PPP2R1A: variants seen among roughly 807,000 people sequenced by gnomAD.
PPP2R1A encodes the protein serine/threonine-protein phosphatase 2A 65 kDa regulatory subunit A alpha isoform.
PPP2R1A carries 15 observed loss-of-function variants against 67.1 expected under a neutral mutation model. The ratio of observed to expected loss-of-function variants is 0.22; its 90% CI spans 0.15 to 0.34. The LOEUF (loss-of-function observed/expected upper bound fraction) is 0.34. Among genes scored for constraint, PPP2R1A ranks in the 10% least tolerant of loss-of-function variants. PPP2R1A has a pLI of 1.00. For synonymous variants in PPP2R1A, 337 were observed against 325.0 expected, an observed-to-expected ratio of 1.04 and a Z score of -0.40; for missense variants, 369 against 775.0, an observed-to-expected ratio of 0.48 and a Z score of 6.22.
Position 52,216,434 on chromosome 19 carries a change from A to C in PPP2R1A, c.994-95A>C. ...CTGCTCTATGAATGAGAGGGGCAGA[A>C]GCAGGTTATTGTCTCTTAGGAGTTG... On this transcript the variant is annotated intron_variant, in intron 8 of 14. Coordinates refer to ENST00000322088, the MANE Select transcript of PPP2R1A (RefSeq NM_014225.6). This position sits in a 1 kb window ranked among gnomAD's most constrained non-coding sequence, Gnocchi z 4.3. 1 of 1,478,230 alleles carries C rather than the reference A, an allele frequency of 6.8e-7. No homozygotes were observed. Among genetic ancestry groups the C allele is most frequent in the Non-Finnish European group, 9.3e-7 (1 of 1,076,084 alleles). The allele number at this position is 1,478,230 out of a possible 1,614,324, so 91.6% of individuals were successfully genotyped here. A position where few individuals can be genotyped will look rare whatever the true frequency, so the allele number is the denominator to read the frequency against.
rs1240476892 is a variant in PPP2R1A, at chr19:52,212,751, G to C, written c.569G>C (p.Gly190Ala). ...CGGCGGGCCGCAGCCTCCAAGCTGGGGGAGTTTGCCAAGGTGCTGGAGCTG... is the reference window on the plus strand; with the variant it reads ...CGGCGGGCCGCAGCCTCCAAGCTGGCGGAGTTTGCCAAGGTGCTGGAGCTG... ...MVRRAAASKL[G>A]EFAKVLELDN... is the part of the protein sequence containing the mutation. Residue 190 changes from glycine to alanine, a missense_variant, in exon 5 of 15, where the codon GGG becomes GCG. This residue lies in a region of PPP2R1A where 93 missense variants were observed against 266.5 expected (regional missense o/e 0.35). Transcript: ENST00000322088. This position sits in a 1 kb window ranked among gnomAD's most constrained non-coding sequence, Gnocchi z 4.1. 6.2e-7 allele frequency: 1 copy of C among 1,613,942 alleles called. No homozygotes were observed. The highest frequency in any genetic ancestry group is 1.3e-5 in the African/African-American group (1 of 74,944).
At chr19:52,220,307 A>C in intron 11 of PPP2R1A, 58 bp downstream of exon 11, 1 of 1,577,726 alleles carries the variant, frequency 6.3e-7, no homozygotes, top group Non-Finnish European at 8.7e-7. Context: ...GGCAGGATGG[A>C]TTGGCTGGGG....
In PPP2R1A at chr19:52,222,189, C is replaced by T. The variant is rs767299944; in HGVS notation, c.1609C>T (p.Arg537Cys). 5.0e-6 allele frequency: 8 copies of T among 1,614,018 alleles called. No individual in the cohort carries two copies. The Admixed American group carries it at 1.0e-4, about 20-fold the overall frequency. Residue 537 changes from arginine (R) to cysteine (C), a missense_variant, in exon 13 of 15, where the codon CGC becomes TGC. Arg to Cys is a radical substitution (Grantham distance 180). Coordinates refer to ENST00000322088, the MANE Select transcript of PPP2R1A (RefSeq NM_014225.6). ...RMAGDPVANV[R>C]FNVAKSLQKI... ...GGCTGGGGACCCGGTTGCCAATGTC[C>T]GCTTCAATGTGGCCAAGTCTCTGCA...
intron 9 of PPP2R1A, among the ~76,000 whole-genome samples, chr19:52,218,006 C>CCCAGA (rs1978686670): frequency 6.6e-6 from 1 of 152,122 alleles, no homozygotes; most frequent in East Asian, 1.9e-4. Context: ...CTGTGGGAGT[C>CCCAGA]TGGAAGGCTG....
chr19:52,220,869 C>T, intron 11 of PPP2R1A, 110 bp from the exon 12 acceptor site: 1 of 1,313,278 alleles, frequency 7.6e-7, no homozygotes, highest in Non-Finnish European at 1.1e-6. Context: ...TCACATGCAG[C>T]CTGGCACCTA....
rs551777534 is a variant in PPP2R1A at position 52,228,018 on chromosome 19, A to G, written c.*2037A>G. On this transcript the variant is annotated 3_prime_UTR_variant, in exon 15 of 15. Coordinates refer to ENST00000322088, the MANE Select transcript of PPP2R1A (RefSeq NM_014225.6). The stretch of plus-strand genomic sequence containing the variant: ...AGGTTCATCTGCACACTGAAGTTAG[A>G]GAAGTCCTGCCTTAAATACTAACCC... 1 of 152,324 alleles carries G rather than the reference A, an allele frequency of 6.6e-6. No homozygotes were observed. Among genetic ancestry groups the G allele is most frequent in the South Asian group, 2.1e-4 (1 of 4,824 alleles). The allele number at this position is 152,324 out of a possible 1,614,324, so 9.4% of individuals were successfully genotyped here. A position where few individuals can be genotyped will look rare whatever the true frequency, so the allele number is the denominator to read the frequency against.
Position 52,216,089 on chromosome 19 carries a change from G to A in PPP2R1A, c.993+15G>A, listed in dbSNP as rs776493241. The A allele has an allele frequency of 6.2e-7, 1 of 1,608,076 alleles. No individual in the cohort carries two copies. The highest frequency in any genetic ancestry group is 8.5e-7 in the Non-Finnish European group (1 of 1,174,478). ...CCTGCATCAAGGTAACAGAGAGTTTGATGGGAGGAACCAAGTGGATCCGAG... is the reference window on the plus strand; with the variant it reads ...CCTGCATCAAGGTAACAGAGAGTTTAATGGGAGGAACCAAGTGGATCCGAG... On this transcript the variant is annotated intron_variant, in intron 8 of 14. Coordinates refer to ENST00000322088, the MANE Select transcript of PPP2R1A (RefSeq NM_014225.6). The surrounding 1 kb of genome is among the most constrained non-coding windows in gnomAD (Gnocchi z 4.3).
chr19:52,205,708 C>T (rs1340309190), intron 2 of PPP2R1A, among the ~76,000 whole-genome samples: 4 of 152,174 alleles, frequency 2.6e-5, no homozygotes, highest in African/African-American at 9.7e-5. Flanking sequence ...AGCTGGGACT[C>T]AGAGAGGTGG....
At chr19:52,223,341 G>A (rs989752906) in intron 13 of PPP2R1A, among the ~76,000 whole-genome samples, 6 of 152,172 alleles carry the variant, frequency 3.9e-5, no homozygotes, top group East Asian at 1.9e-4. Context: ...TTGAGTTAGC[G>A]TAGGCACAGA....
In PPP2R1A at chr19:52,211,006, C is replaced by T. The variant is rs2089663283; in HGVS notation, c.271-254C>T. 6.6e-6 allele frequency among the ~76,000 whole-genome samples: 1 copy of T among 152,222 alleles called. No homozygotes were observed. Among genetic ancestry groups the T allele is most frequent in the Non-Finnish European group, 1.5e-5 (1 of 68,050 alleles). ...AGGTTTATGGACCCCAGTGAAACTC[C>T]TTCAAGGACCCCTAAATAAGAACCT... On this transcript the variant is annotated intron_variant, in intron 3 of 14. Transcript: ENST00000322088. This position sits in a 1 kb window ranked among gnomAD's most constrained non-coding sequence, Gnocchi z 5.3.
intron 1 of PPP2R1A, among the ~76,000 whole-genome samples, chr19:52,194,088 C>CAAAAAAAAAAAAAAAAAAAAAAAAAA (rs915576804): frequency 3.8e-4 from 23 of 60,506 alleles, no homozygotes; most frequent in Non-Finnish European, 5.5e-4. Context: ...ACCCTGTCTC[C>CAAAAAAAAAAAAAAAAAAAAAAAAAA]AAAAAAAAAA....
At position 52,211,746 on chromosome 19, in the gene PPP2R1A, A is replaced by G; in HGVS notation, c.503+254A>G. On this transcript the variant is annotated intron_variant, in intron 4 of 14. Transcript: ENST00000322088. This position sits in a 1 kb window ranked among gnomAD's most constrained non-coding sequence, Gnocchi z 5.3. ...GACAGGTCCTCCTTCCCACTGGTTA[A>G]TGTGAGGATTTAAAAGAATTATCAC... 1 of 539,854 alleles carries G rather than the reference A, an allele frequency of 1.9e-6. No individual in the cohort carries two copies. The highest frequency in any genetic ancestry group is 3.0e-5 in the East Asian group (1 of 32,824). The allele number at this position is 539,854 out of a possible 1,614,324, so 33.4% of individuals were successfully genotyped here.
At chr19:52,203,626 G>C (rs1010541671) in intron 2 of PPP2R1A, among the ~76,000 whole-genome samples, 1 of 152,118 alleles carries the variant, frequency 6.6e-6, no homozygotes, top group African/African-American at 2.4e-5. Context: ...TGACTTCTGT[G>C]ACCATATGTC....
intron 1 of PPP2R1A, chr19:52,190,397 C>T (rs1008550479): frequency 1.2e-5 from 7 of 595,444 alleles, no homozygotes; most frequent in Middle Eastern, 4.6e-4. Context: ...CTCGAGGGTC[C>T]CGGGCCTGCC....
intron 2 of PPP2R1A, 127 bp downstream of exon 2, chr19:52,202,161 G>T (rs866103564): frequency 3.4e-5 from 26 of 760,028 alleles, no homozygotes; most frequent in Non-Finnish European, 5.0e-5. Flanking sequence ...ACACTATGGA[G>T]TGGGAAAAGG....
chr19:52,190,431 C>T, intron 1 of PPP2R1A: 2 of 563,210 alleles, frequency 3.6e-6, no homozygotes, highest in African/African-American at 1.9e-5. Context: ...GGTCCGCGGT[C>T]CTGGGAGGTT....
Position 52,229,052 on chromosome 19 carries a change from A to T in PPP2R1A, c.*3071A>T, listed in dbSNP as rs1979419055. The T allele has an allele frequency of 6.6e-6, 1 of 152,208 alleles. No individual in the cohort carries two copies. The highest frequency in any genetic ancestry group is 1.5e-5 in the Non-Finnish European group (1 of 68,090). The allele number at this position is 152,208 out of a possible 1,614,324, so 9.4% of individuals were successfully genotyped here. A position where few individuals can be genotyped will look rare whatever the true frequency, so the allele number is the denominator to read the frequency against. On this transcript the variant is annotated 3_prime_UTR_variant, in exon 15 of 15. Transcript: ENST00000322088. ...GGTGGTGCCTCAGCCCCGAGGAGTGAACTGCAGGGCACCGACAAGATTCTG... is the reference window on the plus strand; with the variant it reads ...GGTGGTGCCTCAGCCCCGAGGAGTGTACTGCAGGGCACCGACAAGATTCTG...
At chr19:52,222,075 C>T in intron 12 of PPP2R1A, 24 bp from the exon 13 acceptor site, 1 of 1,587,018 alleles carries the variant, frequency 6.3e-7, no homozygotes, top group Non-Finnish European at 8.6e-7. Flanking sequence ...TGCATACTCA[C>T]CCCTGCCACT....
At chr19:52,203,329 A>G (rs2089570511) in intron 2 of PPP2R1A, among the ~76,000 whole-genome samples, 1 of 152,168 alleles carries the variant, frequency 6.6e-6, no homozygotes, top group African/African-American at 2.4e-5. Context: ...GGTGGCTTCT[A>G]TTGGTGAACT....
Sources: gnomAD v4.1 joint callset for allele counts (sites outside exome capture counted in the v4.1 genomes callset) on GRCh38, gnomAD v4.1.1 for gene constraint, gnomAD v4.1.1 regional missense constraint, Gnocchi (gnomAD v3.1) non-coding constraint, MANE v1.5 for transcripts, NCBI Gene and HGNC (gene_info 2026-07-23, HGNC 2026-07-21) for gene names.